The following EYA1 variants were observed in gnomAD, a reference collection of about 807,000 sequenced individuals.
The protein encoded by EYA1 is protein phosphatase EYA1.
Under a neutral mutation model 82.0 loss-of-function variants are expected in EYA1, and 16 were observed. The observed-to-expected ratio is 0.20, with a 90% CI of 0.13 to 0.30. EYA1 has a LOEUF of 0.30. Ranked by LOEUF, EYA1 falls within the 10% of genes least tolerant of loss-of-function variation. The pLI is 1.00. For synonymous variants in EYA1, 261 were observed against 264.4 expected, an observed-to-expected ratio of 0.99 and a Z score of 0.12; for missense variants, 633 against 730.7, an observed-to-expected ratio of 0.87 and a Z score of 1.54.
At chr8:71,382,733 T>C (rs1828774723) in intron 2 of EYA1, among the ~76,000 whole-genome samples, 1 of 152,132 alleles carries the variant, frequency 6.6e-6, no homozygotes, top group Non-Finnish European at 1.5e-5. Flanking sequence ...CAGAATTCAA[T>C]GATTTGGCAG....
chr8:71,545,405 G>A (rs1384393297), intron 1 of EYA1, among the ~76,000 whole-genome samples: 2 of 152,078 alleles, frequency 1.3e-5, no homozygotes, highest in African/African-American at 2.4e-5. Flanking sequence ...GACACTTTCA[G>A]GCATTGCATT....
chr8:71,294,263 T>A (rs896169526), intron 9 of EYA1, among the ~76,000 whole-genome samples: 13 of 151,992 alleles, frequency 8.6e-5, no homozygotes, highest in Middle Eastern at 3.4e-3. Context: ...ATCGAGACCA[T>A]CCTGGCTAAC....
chr8:71,271,884 G>T lies in EYA1; in HGVS notation c.840C>A (p.Ile280=), dbSNP rs55972891. The part of the protein sequence containing the change: ...VTDPTAEYST[I]HSPSTPIKDS... The stretch of plus-strand genomic sequence containing the variant: ...CTTTAATGGGTGTTGATGGGCTGTG[G>T]ATTGTGCTGTACTCTGCAGGAATAT... The change falls in exon 10 of 18, where the codon ATC becomes ATA. Residue 280 remains isoleucine (I), a synonymous_variant. Coordinates refer to ENST00000340726, the MANE Select transcript of EYA1 (RefSeq NM_000503.6). 4.0e-3 allele frequency: 6,524 copies of T among 1,614,148 alleles called. 21 individuals are homozygous for T. The highest frequency in any genetic ancestry group is 5.1e-3 in the Non-Finnish European group (5,981 of 1,180,012).
chr8:71,387,114 C>T (rs1829009605), intron 2 of EYA1, among the ~76,000 whole-genome samples: 2 of 152,034 alleles, frequency 1.3e-5, no homozygotes, highest in Admixed American at 6.6e-5. Flanking sequence ...GTGATGCGAT[C>T]GACTTCTGTA....
chr8:71,332,891 T>C (rs1484602870), intron 4 of EYA1, among the ~76,000 whole-genome samples: 1 of 152,164 alleles, frequency 6.6e-6, no homozygotes. Flanking sequence ...TGTCCATTTG[T>C]CCAGCATCTC....
chr8:71,215,574 A>G (rs765996829), intron 15 of EYA1, 40 bp downstream of exon 15: 5 of 1,608,412 alleles, frequency 3.1e-6, no homozygotes, highest in Non-Finnish European at 4.3e-6. Flanking sequence ...AAGCACGAGC[A>G]TTGCCCATTT....
At chr8:71,394,265 T>C (rs1047217006) in intron 2 of EYA1, among the ~76,000 whole-genome samples, 10 of 152,250 alleles carry the variant, frequency 6.6e-5, no homozygotes, top group Admixed American at 6.5e-4. Context: ...GATGGTAGTT[T>C]CTTTTGCTGT....
At chr8:71,362,256 C>T, upstream of EYA1, 1 of 937,832 alleles carries the variant, frequency 1.1e-6, no homozygotes, top group Non-Finnish European at 1.2e-6. Flanking sequence ...GAAAGGAGCA[C>T]TGCTCTGTCT....
At chr8:71,277,661 G>C (rs1198466811) in intron 9 of EYA1, among the ~76,000 whole-genome samples, 1 of 152,024 alleles carries the variant, frequency 6.6e-6, no homozygotes, top group Non-Finnish European at 1.5e-5. Context: ...AAATTATTTT[G>C]AGCACATGTC....
chr8:71,244,783 G>A, intron 11 of EYA1, 91 bp from the exon 12 acceptor site: 1 of 768,308 alleles, frequency 1.3e-6, no homozygotes, highest in Non-Finnish European at 2.3e-6. Context: ...CATTGGGAGA[G>A]GCTGAAAGCA....
intron 2 of EYA1, among the ~76,000 whole-genome samples, chr8:71,459,804 T>A (rs1808231907): frequency 6.6e-6 from 1 of 152,170 alleles, no homozygotes; most frequent in South Asian, 2.1e-4. Flanking sequence ...TCAATTATTA[T>A]TTTTTCTTAG....
At chr8:71,322,516 A>G in intron 4 of EYA1, 2 of 497,490 alleles carry the variant, frequency 4.0e-6, no homozygotes, top group Non-Finnish European at 7.3e-6. Flanking sequence ...CGTCATCACA[A>G]TCTTCGCAAA....
chr8:71,210,011 G>GAATT (rs1376553168), intron 17 of EYA1, among the ~76,000 whole-genome samples: 1 of 152,124 alleles, frequency 6.6e-6, no homozygotes, highest in Non-Finnish European at 1.5e-5. Flanking sequence ...TATATTATGG[G>GAATT]AATTATATAT....
At chr8:71,218,437 A>G (rs1809477566) in intron 12 of EYA1, among the ~76,000 whole-genome samples, 1 of 152,166 alleles carries the variant, frequency 6.6e-6, no homozygotes, top group African/African-American at 2.4e-5. Flanking sequence ...TAACAGAATT[A>G]AAATCGTGAC....
intron 6 of EYA1, among the ~76,000 whole-genome samples, chr8:71,320,842 C>T (rs953583602): frequency 1.3e-5 from 2 of 151,844 alleles, no homozygotes; most frequent in Non-Finnish European, 2.9e-5. Context: ...CAAGCAGAAG[C>T]ACAATTAGAA....
chr8:71,287,205 G>A (rs1490690325), intron 9 of EYA1, among the ~76,000 whole-genome samples: 1 of 151,988 alleles, frequency 6.6e-6, no homozygotes, highest in Non-Finnish European at 1.5e-5. Flanking sequence ...TATTACCTTA[G>A]CAGAATAAAA....
intron 17 of EYA1, among the ~76,000 whole-genome samples, chr8:71,210,542 C>T (rs1808375082): frequency 6.6e-6 from 1 of 152,088 alleles, no homozygotes; most frequent in Non-Finnish European, 1.5e-5. Flanking sequence ...AAAGCTTTTG[C>T]TCAGAGAAAT....
chr8:71,234,990 T>C (rs919743711), intron 12 of EYA1, among the ~76,000 whole-genome samples: 1 of 152,186 alleles, frequency 6.6e-6, no homozygotes, highest in African/African-American at 2.4e-5. Context: ...GTGCTCATCC[T>C]TGATTCTGCT....
intron 9 of EYA1, among the ~76,000 whole-genome samples, chr8:71,276,259 T>C (rs149902171): frequency 1.7e-4 from 26 of 152,336 alleles, no homozygotes; most frequent in African/African-American, 6.0e-4. Context: ...TGATGGACTA[T>C]ATTTTGAGCA....
Sources: allele counts gnomAD v4.1 joint callset (sites outside exome capture counted in the v4.1 genomes callset), GRCh38; gene constraint gnomAD v4.1.1; transcripts MANE v1.5; gene names NCBI Gene and HGNC (gene_info 2026-07-23, HGNC 2026-07-21).